The following NAA20 variants were observed in gnomAD, a reference collection of about 807,000 sequenced individuals.
The protein encoded by NAA20 is N-alpha-acetyltransferase 20.
Under a neutral mutation model 23.8 loss-of-function variants are expected in NAA20, and 24 were observed. The observed-to-expected ratio is 1.01, with a 90% CI of 0.73 to 1.42. The LOEUF (loss-of-function observed/expected upper bound fraction) is 1.42, where lower values mean the gene tolerates loss of function less well. Among genes scored for constraint, NAA20 ranks in the 40% most tolerant of loss-of-function variants. NAA20 has a pLI of 0.00. For synonymous variants in NAA20, 83 were observed against 77.7 expected, an observed-to-expected ratio of 1.07 and a Z score of -0.36; for missense variants, 166 against 223.1, an observed-to-expected ratio of 0.74 and a Z score of 1.63.
rs192018772 is a variant in NAA20, at chr20:20,028,169, A to T, written c.305+1250A>T. On this transcript the variant is annotated intron_variant, in intron 4 of 5. Coordinates refer to ENST00000334982, the MANE Select transcript of NAA20 (RefSeq NM_016100.5). ...AAAGTTCTCTCTAGACCAAACAAAG[A>T]AGGGAAGAAAATTTTAGCATGATTA... Among the ~76,000 whole-genome samples, 3 of 152,288 alleles carry T rather than the reference A, an allele frequency of 2.0e-5. No individual in the cohort carries two copies. The East Asian group carries it at 5.8e-4, about 29-fold the overall frequency.
chr20:20,025,113 T>C (rs1319722796), intron 2 of NAA20, among the ~76,000 whole-genome samples: 1 of 152,218 alleles, frequency 6.6e-6, no homozygotes, highest in Admixed American at 6.5e-5. Context: ...TCTGCATTAC[T>C]AGAAATGCAG....
intron 1 of NAA20, among the ~76,000 whole-genome samples, chr20:20,019,172 A>G (rs946188356): frequency 6.6e-6 from 1 of 152,228 alleles, no homozygotes; most frequent in African/African-American, 2.4e-5. Flanking sequence ...TAGGATTGAT[A>G]GGTGGGCAGA....
intron 1 of NAA20, 85 bp downstream of exon 1, chr20:20,017,534 C>T: frequency 6.6e-7 from 1 of 1,509,234 alleles, no homozygotes; most frequent in South Asian, 1.2e-5. Context: ...CCGCGCCTTC[C>T]CGGCCGGACC....
intron 1 of NAA20, among the ~76,000 whole-genome samples, chr20:20,021,595 G>T (rs191563767): frequency 1.2e-4 from 18 of 152,258 alleles, no homozygotes; most frequent in Non-Finnish European, 2.6e-4. Flanking sequence ...GATATTACGC[G>T]TATAAACAAA....
chr20:20,020,727 C>G (rs1053472176), intron 1 of NAA20, among the ~76,000 whole-genome samples: 2 of 152,130 alleles, frequency 1.3e-5, no homozygotes, highest in Non-Finnish European at 2.9e-5. Context: ...ATCAAGTGTT[C>G]AAGTAAAGGA....
At chr20:20,017,737 G>T (rs1278643953) in intron 1 of NAA20, 3 of 1,431,538 alleles carry the variant, frequency 2.1e-6, no homozygotes, top group South Asian at 1.5e-5. Context: ...TCGGGCCTCC[G>T]CTCGTGGTCG....
At chr20:20,017,803 G>T (rs954835326) in intron 1 of NAA20, 20 of 1,454,954 alleles carry the variant, frequency 1.4e-5, no homozygotes, top group Non-Finnish European at 1.8e-5. Context: ...TGGAGCCCAC[G>T]ACCTGGGCTT....
chr20:20,032,066 A>G (rs2043347397), intron 4 of NAA20, among the ~76,000 whole-genome samples: 1 of 152,102 alleles, frequency 6.6e-6, no homozygotes, highest in African/African-American at 2.4e-5. Flanking sequence ...TAAAAGCCAG[A>G]AACGTATCAA....
At chr20:20,023,459 G>A (rs769311859) in intron 2 of NAA20, among the ~76,000 whole-genome samples, 63 of 152,116 alleles carry the variant, frequency 4.1e-4, no homozygotes, top group Non-Finnish European at 7.9e-4. Context: ...ATTGGGACTT[G>A]TTACTAAAGT....
At chr20:20,025,995 T>TAA (rs34483428) in intron 3 of NAA20, among the ~76,000 whole-genome samples, 2,266 of 145,496 alleles carry the variant, frequency 0.016, 66 homozygotes, top group African/African-American at 0.053. Flanking sequence ...TCTTTCATTC[T>TAA]AAAAAAAAAA....
chr20:20,017,841 C>T, intron 1 of NAA20: 3 of 1,520,240 alleles, frequency 2.0e-6, no homozygotes, highest in Admixed American at 1.9e-5. Flanking sequence ...CTTGCTGGTT[C>T]GTGGCCGGGC....
At position 20,017,462 on chromosome 20, in the gene NAA20, C is replaced by T. The variant is rs770557497; in HGVS notation, c.53+13C>T. On this transcript the variant is annotated intron_variant, in intron 1 of 5. Coordinates refer to ENST00000334982, the MANE Select transcript of NAA20 (RefSeq NM_016100.5). ...GCTTCAACAACATGTGAGTGACACG[C>T]GCCTAGGGCCAGCCGCTCTTGGCCG... The T allele has an allele frequency of 6.2e-7, 1 of 1,604,998 alleles. No homozygotes were observed.
chr20:20,017,402 C>G lies in NAA20; in HGVS notation c.6C>G (p.Thr2=). ...TCGGAAGCGGCGGCGGCGCGATGAC[C>G]ACGCTACGGGCCTTTACCTGCGACG... M[T]TLRAFTCDDL... Residue 2 remains threonine (T), a synonymous_variant, in exon 1 of 6, where the codon ACC becomes ACG. Coordinates refer to ENST00000334982, the MANE Select transcript of NAA20 (RefSeq NM_016100.5). 6.2e-7 allele frequency: 1 copy of G among 1,611,740 alleles called. No individual in the cohort carries two copies. The highest frequency in any genetic ancestry group is 1.3e-5 in the African/African-American group (1 of 74,914).
In NAA20 at chr20:20,033,180, T is replaced by C. The variant is rs368586868; in HGVS notation, c.530T>C (p.Ile177Thr). 1.9e-6 allele frequency: 3 copies of C among 1,610,666 alleles called. No homozygotes were observed. The highest frequency in any genetic ancestry group is 2.5e-6 in the Non-Finnish European group (3 of 1,177,064). The change falls in exon 6 of 6, where the codon ATT (isoleucine) becomes ACT (threonine). Residue 177 changes from isoleucine to threonine, a missense_variant. Coordinates refer to ENST00000334982, the MANE Select transcript of NAA20 (RefSeq NM_016100.5). ...PLPHPVRPED[I>T]E ...CCTCATCCTGTGAGGCCTGAAGACA[T>C]TGAATAACCCTGGGCAGTGGTTCTT...
At chr20:20,017,683 CTT>C in intron 1 of NAA20, 1 of 1,417,074 alleles carries the variant, frequency 7.1e-7, no homozygotes, top group Non-Finnish European at 9.2e-7. Flanking sequence ...GGTGCTCAAA[CTT>C]TGTCTCTGGA....
At chr20:20,032,314 A>G (rs1168310953) in intron 4 of NAA20, among the ~76,000 whole-genome samples, 194 bp from the exon 5 acceptor site, 1 of 151,856 alleles carries the variant, frequency 6.6e-6, no homozygotes, top group Non-Finnish European at 1.5e-5. Flanking sequence ...ATGTTCTTAC[A>G]CTGCAAAGTA....
chr20:20,019,940 C>CT (rs2043256579), intron 1 of NAA20, among the ~76,000 whole-genome samples: 1 of 152,126 alleles, frequency 6.6e-6, no homozygotes, highest in Non-Finnish European at 1.5e-5. Context: ...GTAGAAAACT[C>CT]TGAGAATGAC....
At chr20:20,023,362 G>A (rs1038992677) in intron 2 of NAA20, among the ~76,000 whole-genome samples, 4 of 150,280 alleles carry the variant, frequency 2.7e-5, no homozygotes, top group Non-Finnish European at 5.9e-5. Context: ...ACACAGGCCC[G>A]CTCTGTCTCA....
Position 20,022,453 on chromosome 20 carries a change from C to A in NAA20, c.54-3C>A, listed in dbSNP as rs1186188445. On this transcript the variant is annotated splice_polypyrimidine_tract_variant and splice_region_variant and intron_variant, in intron 1 of 5. Transcript: ENST00000334982. ...CTAGAGACATTTCTCTTGTTTCTTT[C>A]AGTAACTTGGATCCACTTACAGAAA... 1 of 1,586,510 alleles carries A rather than the reference C, an allele frequency of 6.3e-7. No homozygotes were observed. The highest frequency in any genetic ancestry group is 1.9e-5 in the Admixed American group (1 of 53,788).
Sources: gnomAD v4.1 joint callset for allele counts (sites outside exome capture counted in the v4.1 genomes callset) on GRCh38, gnomAD v4.1.1 for gene constraint, MANE v1.5 for transcripts, NCBI Gene and HGNC (gene_info 2026-07-23, HGNC 2026-07-21) for gene names.